Variants in ZCCHC7 observed in about 807,000 individuals in gnomAD.
The protein encoded by ZCCHC7 is zinc finger CCHC-type containing 7.
A neutral mutation model predicts 52.0 loss-of-function variants in ZCCHC7; 35 were observed. The observed-to-expected ratio is 0.67, with a 90% CI of 0.51 to 0.89. The LOEUF (loss-of-function observed/expected upper bound fraction) is 0.89. ZCCHC7 is among the 40% of genes least tolerant of loss of function. ZCCHC7 has a pLI of 0.00. For missense variants in ZCCHC7, 574 were observed against 649.1 expected (o/e 0.88, Z 1.26); for synonymous variants, 217 against 221.5 (o/e 0.98, Z 0.18).
At chr9:37,197,719 A>C (rs1823362467) in intron 2 of ZCCHC7, among the ~76,000 whole-genome samples, 1 of 152,166 alleles carries the variant, frequency 6.6e-6, no homozygotes, top group Non-Finnish European at 1.5e-5. Context: ...GAAAGTCAAA[A>C]CAGCAATTGC....
intron 2 of ZCCHC7, among the ~76,000 whole-genome samples, chr9:37,199,533 A>C (rs1410013698): frequency 6.6e-6 from 1 of 151,100 alleles, no homozygotes; most frequent in African/African-American, 2.4e-5. Context: ...GGGTTTCACT[A>C]TGTTGGCCAG....
At chr9:37,131,742 ATTC>A (rs1353522633) in intron 2 of ZCCHC7, among the ~76,000 whole-genome samples, 10 of 151,620 alleles carry the variant, frequency 6.6e-5, no homozygotes, top group South Asian at 4.2e-4. Flanking sequence ...TTTCCTTTCT[ATTC>A]TTCTTCTAAA....
At chr9:37,214,002 ATG>A (rs148278811) in intron 2 of ZCCHC7, among the ~76,000 whole-genome samples, 30 of 149,554 alleles carry the variant, frequency 2.0e-4, no homozygotes, top group African/African-American at 2.9e-4. Context: ...AATGGTGTGT[ATG>A]TGTGTGTGTG....
intron 2 of ZCCHC7, among the ~76,000 whole-genome samples, chr9:37,300,445 A>G (rs1045465990): frequency 1.3e-5 from 2 of 152,260 alleles, no homozygotes; most frequent in African/African-American, 2.4e-5. Flanking sequence ...AGCTGCTGCT[A>G]TTTAATGTAT....
intron 2 of ZCCHC7, among the ~76,000 whole-genome samples, chr9:37,260,875 C>CA: frequency 6.6e-6 from 1 of 152,226 alleles, no homozygotes; most frequent in East Asian, 1.9e-4. Flanking sequence ...GGAGTTCAGA[C>CA]AAACTGCTCT....
chr9:37,268,489 C>T (rs530178307), intron 2 of ZCCHC7, among the ~76,000 whole-genome samples: 24 of 151,378 alleles, frequency 1.6e-4, no homozygotes, highest in African/African-American at 4.9e-4. Context: ...TGCAGTGGCG[C>T]GATCTGGGCT....
intron 2 of ZCCHC7, among the ~76,000 whole-genome samples, chr9:37,220,996 G>C (rs1364951666): frequency 1.3e-5 from 2 of 152,178 alleles, no homozygotes; most frequent in Admixed American, 6.5e-5. Context: ...TCTTCAAGCA[G>C]AATGTTGCTA....
chr9:37,299,059 G>A (rs1828916871), intron 2 of ZCCHC7, among the ~76,000 whole-genome samples: 1 of 152,106 alleles, frequency 6.6e-6, no homozygotes, highest in African/African-American at 2.4e-5. Context: ...CTTTGATCAC[G>A]GCTCTGAAAT....
intron 2 of ZCCHC7, among the ~76,000 whole-genome samples, chr9:37,283,651 G>A (rs1828076276): frequency 6.6e-6 from 1 of 152,024 alleles, no homozygotes; most frequent in Admixed American, 6.6e-5. Context: ...ATGCAGTTTT[G>A]TTATAGGCAC....
chr9:37,264,090 A>C (rs958352075), intron 2 of ZCCHC7, among the ~76,000 whole-genome samples: 6 of 152,106 alleles, frequency 3.9e-5, no homozygotes, highest in African/African-American at 1.4e-4. Flanking sequence ...TTTGGTGTTG[A>C]GATTGTTTAA....
intron 2 of ZCCHC7, among the ~76,000 whole-genome samples, chr9:37,198,315 C>A (rs932563638): frequency 6.6e-6 from 1 of 152,178 alleles, no homozygotes; most frequent in African/African-American, 2.4e-5. Flanking sequence ...CAGAATGTTA[C>A]AACCAGAGTA....
Position 37,157,683 on chromosome 9 carries a change from G to T in ZCCHC7, c.610+30741G>T, listed in dbSNP as rs1450084700. Among the ~76,000 whole-genome samples the T allele has an allele frequency of 3.9e-5, 6 of 152,348 alleles. No individual in the cohort carries two copies. In the Middle Eastern group the frequency reaches 0.014, roughly 345 times the overall value. ...AGGCATACAAATAACTAACAGATAT[G>T]TGAAAAGGTGCTCAATATCACTTTT... On this transcript the variant is annotated intron_variant, in intron 2 of 8. Transcript: ENST00000336755.
At chr9:37,192,817 C>A (rs531027815) in intron 2 of ZCCHC7, among the ~76,000 whole-genome samples, 3 of 150,672 alleles carry the variant, frequency 2.0e-5, no homozygotes, top group African/African-American at 7.5e-5. Flanking sequence ...AGATTTTTCC[C>A]TTTTTAAAAA....
At chr9:37,171,330 G>A (rs901500894) in intron 2 of ZCCHC7, among the ~76,000 whole-genome samples, 1 of 152,178 alleles carries the variant, frequency 6.6e-6, no homozygotes, top group African/African-American at 2.4e-5. Context: ...TTGCTGGTGA[G>A]TTGTTAGCTT....
intron 6 of ZCCHC7, among the ~76,000 whole-genome samples, chr9:37,336,151 A>G (rs2118358553): frequency 6.6e-6 from 1 of 152,282 alleles, no homozygotes; most frequent in African/African-American, 2.4e-5. Flanking sequence ...TTATGCCTTC[A>G]CATGATTAAC....
chr9:37,180,267 T>A (rs545851536), intron 2 of ZCCHC7, among the ~76,000 whole-genome samples: 1 of 152,280 alleles, frequency 6.6e-6, no homozygotes, highest in East Asian at 1.9e-4. Flanking sequence ...AGTGAAAACT[T>A]CCTTTTAGGA....
At chr9:37,250,063 C>T (rs1001910682) in intron 2 of ZCCHC7, among the ~76,000 whole-genome samples, 5 of 152,192 alleles carry the variant, frequency 3.3e-5, no homozygotes, top group Non-Finnish European at 7.4e-5. Context: ...CACTTATCCT[C>T]ATAGTTAGCA....
intron 2 of ZCCHC7, among the ~76,000 whole-genome samples, chr9:37,298,862 T>C (rs891701334): frequency 2.6e-5 from 4 of 152,214 alleles, no homozygotes; most frequent in African/African-American, 9.6e-5. Flanking sequence ...TCTTCTGAAT[T>C]TACCATAGCA....
chr9:37,258,166 A>T (rs561921946), intron 2 of ZCCHC7, among the ~76,000 whole-genome samples: 1 of 152,158 alleles, frequency 6.6e-6, no homozygotes, highest in East Asian at 1.9e-4. Context: ...TTTTATCATG[A>T]CTTTGAGCAC....
Sources: gnomAD v4.1 joint callset for allele counts (sites outside exome capture counted in the v4.1 genomes callset) on GRCh38, gnomAD v4.1.1 for gene constraint, MANE v1.5 for transcripts, NCBI Gene and HGNC (gene_info 2026-07-23, HGNC 2026-07-21) for gene names.